The following SZT2 variants were observed in gnomAD, a reference collection of about 807,000 sequenced individuals.
SZT2 encodes KICSTOR complex protein SZT2.
A neutral mutation model predicts 404.2 loss-of-function variants in SZT2; 216 were observed. The ratio of observed to expected loss-of-function variants is 0.53; its 90% CI spans 0.48 to 0.60. The LOEUF is 0.60. Ranked by LOEUF, SZT2 falls within the 20% of genes least tolerant of loss-of-function variation. The pLI, the probability that SZT2 is intolerant of heterozygous loss-of-function variation, is 0.00. For missense variants in SZT2, 3,857 were observed against 4,459.2 expected (o/e 0.86, Z 3.85); for synonymous variants, 1,693 against 1,749.9 (o/e 0.97, Z 0.81).
chr1:43,447,288 T>G, intron 66 of SZT2, 120 bp downstream of exon 66: 3 of 1,209,036 alleles, frequency 2.5e-6, no homozygotes, highest in Non-Finnish European at 2.3e-6. Context: ...TCATCTCATG[T>G]CACACATACC....
intron 4 of SZT2, among the ~76,000 whole-genome samples, chr1:43,407,577 C>T (rs1159029120): frequency 6.6e-6 from 1 of 151,820 alleles, no homozygotes; most frequent in Non-Finnish European, 1.5e-5. Context: ...CCTGTAATCC[C>T]AGCTACTTGG....
Position 43,441,332 on chromosome 1 carries a change from G to C in SZT2, c.7463G>C (p.Gly2488Ala). Residue 2488 changes from glycine (G) to alanine (A), a missense_variant, in exon 53 of 72, where the codon GGT becomes GCT. Around this residue, in one of 7 missense-constraint regions of SZT2, gnomAD observed 573 missense variants for 592.4 expected, o/e 0.97. Coordinates refer to ENST00000634258, the MANE Select transcript of SZT2 (RefSeq NM_001365999.1). This position sits in a 1 kb window ranked among gnomAD's most constrained non-coding sequence, Gnocchi z 4.8. ...RHKTESVRTP[G>A]GAERAPGSDS... ...AAAACCGAGAGTGTTCGGACTCCTG[G>C]TGGAGCTGAGCGGGCGCCAGGCTCA... is the stretch of plus-strand genomic sequence containing the variant. 1 of 1,614,224 alleles carries C rather than the reference G, an allele frequency of 6.2e-7. No homozygotes were observed. Among genetic ancestry groups the C allele is most frequent in the Non-Finnish European group, 8.5e-7 (1 of 1,180,032 alleles).
chr1:43,404,605 C>G, intron 4 of SZT2, 55 bp downstream of exon 4: 1 of 1,558,954 alleles, frequency 6.4e-7, no homozygotes, highest in South Asian at 1.2e-5. Context: ...TATTAGTCCT[C>G]TGACCAAGTC....
At position 43,453,663 on chromosome 1, in the gene SZT2, G is replaced by T; in HGVS notation, c.*3183G>T. The T allele has an allele frequency of 6.7e-7, 1 of 1,484,610 alleles. No individual in the cohort carries two copies. The highest frequency in any genetic ancestry group is 8.9e-7 in the Non-Finnish European group (1 of 1,125,518). 92.0% of individuals were successfully genotyped at this position (1,484,610 alleles called of 1,614,324 possible). On this transcript the variant is annotated 3_prime_UTR_variant, in exon 72 of 72. Coordinates refer to ENST00000634258, the MANE Select transcript of SZT2 (RefSeq NM_001365999.1). ...CGCGGCGCGCGCCAGCGCCTCAGGC[G>T]TCTCCGCGTACGGCCAGGCCACCTC...
In SZT2 at chr1:43,453,206, A is replaced by G. The variant is rs538136338; in HGVS notation, c.*2726A>G. The stretch of plus-strand genomic sequence containing the variant: ...ATGGGGTGAGCATGAAAGAGTGGCA[A>G]ACAGAGTGGCATAAGACAGATAAAA... On this transcript the variant is annotated 3_prime_UTR_variant, in exon 72 of 72. Coordinates refer to ENST00000634258, the MANE Select transcript of SZT2 (RefSeq NM_001365999.1). The G allele has an allele frequency of 9.2e-5, 59 of 641,730 alleles. No individual in the cohort carries two copies. In the African/African-American group the frequency reaches 9.4e-4, roughly 10 times the overall value. The allele number at this position is 641,730 out of a possible 1,614,324, so 39.8% of individuals were successfully genotyped here.
At chr1:43,443,902 G>A in intron 62 of SZT2, 106 bp downstream of exon 62, 1 of 1,416,396 alleles carries the variant, frequency 7.1e-7, no homozygotes, top group Non-Finnish European at 9.7e-7. Context: ...AATTTGGGCT[G>A]GGCCTGTGCA....
rs1651553267 is a variant in SZT2, at chr1:43,415,161, T to C, written c.578T>C (p.Phe193Ser). ...CAGATATATGAGCAGCTCTGCCTCT[T>C]TGAGGATAAGGTGGCCACCATGCTG... ...LQQIYEQLCL[F>S]EDKVATMLQQ... The change falls in exon 5 of 72, where the codon TTT becomes TCT. Residue 193 changes from phenylalanine to serine, a missense_variant. By Grantham distance (155) the Phe-to-Ser change is radical. This residue lies in a region of SZT2 where 536 missense variants were observed against 637.4 expected (regional missense o/e 0.84). Transcript: ENST00000634258. 1.3e-6 allele frequency: 2 copies of C among 1,598,052 alleles called. No homozygotes were observed. The highest frequency in any genetic ancestry group is 1.3e-5 in the African/African-American group (1 of 75,020).
chr1:43,410,924 A>G (rs906839605), intron 4 of SZT2, among the ~76,000 whole-genome samples: 1 of 152,074 alleles, frequency 6.6e-6, no homozygotes, highest in Non-Finnish European at 1.5e-5. Flanking sequence ...GGATCTTGAT[A>G]GCACTGAGTT....
At chr1:43,440,133 G>A (rs1172749898) in intron 51 of SZT2, 85 bp downstream of exon 51, 4 of 1,558,674 alleles carry the variant, frequency 2.6e-6, no homozygotes, top group Non-Finnish European at 3.5e-6. Flanking sequence ...GCAAAGGTGG[G>A]GTTTAGGGGA....
At chr1:43,403,850 T>A (rs1649978541) in intron 3 of SZT2, 76 bp downstream of exon 3, 13 of 1,511,116 alleles carry the variant, frequency 8.6e-6, no homozygotes, top group Admixed American at 3.5e-5. Context: ...TGTGGGGAAG[T>A]GAAAAATGGT....
chr1:43,452,408 T>C lies in SZT2; in HGVS notation c.*1928T>C, dbSNP rs1246680910. 1.0e-6 allele frequency: 1 copy of C among 990,644 alleles called. No homozygotes were observed. The highest frequency in any genetic ancestry group is 1.6e-5 in the African/African-American group (1 of 62,046). The allele number at this position is 990,644 out of a possible 1,614,324, so 61.4% of individuals were successfully genotyped here. A position where few individuals can be genotyped will look rare whatever the true frequency, so the allele number is the denominator to read the frequency against. ...CCCTGACTGTGCCAGCCCTCGTCCGTCTCCCCAGGTCTCCAGTCCATGGCA... is the reference window on the plus strand; with the variant it reads ...CCCTGACTGTGCCAGCCCTCGTCCGCCTCCCCAGGTCTCCAGTCCATGGCA... On this transcript the variant is annotated 3_prime_UTR_variant, in exon 72 of 72. Transcript: ENST00000634258.
chr1:43,427,920 A>C (rs1653377051), intron 26 of SZT2, 83 bp from the exon 27 acceptor site: 1 of 1,355,208 alleles, frequency 7.4e-7, no homozygotes, highest in African/African-American at 1.4e-5. Flanking sequence ...TCTATAGATG[A>C]TCCATTGGAG....
At position 43,450,851 on chromosome 1, in the gene SZT2, G is replaced by A. The variant is rs1656309418; in HGVS notation, c.*371G>A. 1 of 714,844 alleles carries A rather than the reference G, an allele frequency of 1.4e-6. No individual in the cohort carries two copies. Among genetic ancestry groups the A allele is most frequent in the Non-Finnish European group, 2.6e-6 (1 of 386,356 alleles). The allele number at this position is 714,844 out of a possible 1,614,324, so 44.3% of individuals were successfully genotyped here. The stretch of plus-strand genomic sequence containing the variant: ...TCCTGCCCCCTAGCCTTTGACCACT[G>A]TCAGCCACCTGTGTCCCTTGAGCCT... On this transcript the variant is annotated 3_prime_UTR_variant, in exon 72 of 72. Transcript: ENST00000634258. This position sits in a 1 kb window ranked among gnomAD's most constrained non-coding sequence, Gnocchi z 4.3.
In SZT2 at chr1:43,448,379, G is replaced by A. The variant is rs1434467808; in HGVS notation, c.9864G>A (p.Pro3288=). The A allele has an allele frequency of 5.1e-6, 8 of 1,562,216 alleles. No homozygotes were observed. The highest frequency in any genetic ancestry group is 2.7e-5 in the African/African-American group (2 of 73,420). The stretch of plus-strand genomic sequence containing the variant: ...AGCGCCTCTTCTTGCTGGAGCCACC[G>A]GGGCCTGATCGACTGCGGCTAGGGG... ...LWKRLFLLEP[P]GPDRLRLGGR... is the part of the protein sequence containing the mutation. The change falls in exon 69 of 72, where the codon CCG becomes CCA. Residue 3288 remains proline, a synonymous_variant. Coordinates refer to ENST00000634258, the MANE Select transcript of SZT2 (RefSeq NM_001365999.1). The surrounding 1 kb of genome is among the most constrained non-coding windows in gnomAD (Gnocchi z 4.2).
At chr1:43,393,298 A>G (rs1033109098) in intron 1 of SZT2, among the ~76,000 whole-genome samples, 1 of 152,228 alleles carries the variant, frequency 6.6e-6, no homozygotes, top group Admixed American at 6.5e-5. Context: ...GAGAATAGCT[A>G]GCACTTACTG....
rs759297618 is a variant in SZT2 at position 43,427,670 on chromosome 1, G to A, written c.3739G>A (p.Glu1247Lys). The change falls in exon 26 of 72, where the codon GAA becomes AAA. Residue 1247 changes from glutamate to lysine, a missense_variant. Glu to Lys is a moderately conservative substitution (Grantham distance 56, BLOSUM62 1). Around this residue, in one of 7 missense-constraint regions of SZT2, gnomAD observed 1,725 missense variants for 1,881.0 expected, o/e 0.92. Transcript: ENST00000634258. ...TGTCTACATCTACAGCTGTTCACTG[G>A]AAGCGCTGAGGGAACAAATGGTTGG... Reference protein sequence around the residue: ...CPVYIYSCSLEALREQMVGMQ... With the variant: ...CPVYIYSCSLKALREQMVGMQ... 5.0e-6 allele frequency: 8 copies of A among 1,614,028 alleles called. No individual in the cohort carries two copies. The South Asian group carries it at 6.6e-5, about 13-fold the overall frequency.
chr1:43,404,962 C>G (rs1489017424), intron 4 of SZT2: 1 of 155,602 alleles, frequency 6.4e-6, no homozygotes, highest in Non-Finnish European at 1.4e-5. Flanking sequence ...GCACATAACC[C>G]AGAAATGTAA....
chr1:43,446,096 A>G (rs577706469), intron 63 of SZT2, 83 bp from the exon 64 acceptor site: 2 of 1,588,148 alleles, frequency 1.3e-6, no homozygotes, highest in East Asian at 4.5e-5. Flanking sequence ...TGACACCATT[A>G]AAGTCAGGGT....
In SZT2 at chr1:43,420,279, G is replaced by A; in HGVS notation, c.1217G>A (p.Arg406Gln). ...PADLVSTVSV[R>Q]LREGYSVREV... ...GACTTGGTCAGCACTGTGTCCGTAC[G>A]GCTTCGAGAGGGCTACAGTGTCCGA... The change falls in exon 9 of 72, where the codon CGG (arginine) becomes CAG (glutamine). Residue 406 changes from arginine to glutamine, a missense_variant. Coordinates refer to ENST00000634258, the MANE Select transcript of SZT2 (RefSeq NM_001365999.1). The surrounding 1 kb of genome is among the most constrained non-coding windows in gnomAD (Gnocchi z 5.1). The A allele has an allele frequency of 1.9e-6, 3 of 1,598,044 alleles. No homozygotes were observed. Among genetic ancestry groups the A allele is most frequent in the Non-Finnish European group, 1.7e-6 (2 of 1,179,638 alleles).
Sources: gnomAD v4.1 joint callset for allele counts (sites outside exome capture counted in the v4.1 genomes callset) on GRCh38, gnomAD v4.1.1 for gene constraint, gnomAD v4.1.1 regional missense constraint, Gnocchi (gnomAD v3.1) non-coding constraint, MANE v1.5 for transcripts, NCBI Gene and HGNC (gene_info 2026-07-23, HGNC 2026-07-21) for gene names.